The following CWF19L2 variants were observed in gnomAD, a reference collection of about 807,000 sequenced individuals.
CWF19L2 encodes the protein CWF19 like cell cycle control factor 2.
A neutral mutation model predicts 111.7 loss-of-function variants in CWF19L2; 98 were observed. That is an observed-to-expected ratio of 0.88 (90% CI 0.75 to 1.04). CWF19L2 has a LOEUF of 1.04. Ranked by LOEUF, CWF19L2 falls within the 50% of genes least tolerant of loss-of-function variation. The pLI, the probability that CWF19L2 is intolerant of heterozygous loss-of-function variation, is 0.00. For synonymous variants in CWF19L2, 351 were observed against 342.9 expected, an observed-to-expected ratio of 1.02 and a Z score of -0.26; for missense variants, 1,101 against 1,051.4, an observed-to-expected ratio of 1.05 and a Z score of -0.65.
chr11:107,375,885 A>AAG (rs1342894079), intron 12 of CWF19L2, among the ~76,000 whole-genome samples: 1 of 44,152 alleles, frequency 2.3e-5, no homozygotes, highest in Non-Finnish European at 4.3e-5. Context: ...CAAGACTAAT[A>AAG]AAGAGAGAAG....
At chr11:107,457,604 G>C in intron 1 of CWF19L2, 108 bp downstream of exon 1, 1 of 754,190 alleles carries the variant, frequency 1.3e-6, no homozygotes, top group Non-Finnish European at 2.2e-6. Flanking sequence ...CCAAATTAAG[G>C]TGAGATTCAG....
chr11:107,415,408 AT>A (rs1201285968), intron 10 of CWF19L2, among the ~76,000 whole-genome samples: 1 of 152,146 alleles, frequency 6.6e-6, no homozygotes, highest in African/African-American at 2.4e-5. Flanking sequence ...ACACTGTATT[AT>A]TTTTTAATTT....
intron 14 of CWF19L2, among the ~76,000 whole-genome samples, chr11:107,347,909 T>C (rs1289911701): frequency 6.6e-6 from 1 of 152,282 alleles, no homozygotes; most frequent in Non-Finnish European, 1.5e-5. Context: ...ATCAGTTTTA[T>C]ATGTATAAAT....
chr11:107,449,652 T>C (rs1159822455), intron 3 of CWF19L2, among the ~76,000 whole-genome samples: 1 of 151,694 alleles, frequency 6.6e-6, no homozygotes, highest in Non-Finnish European at 1.5e-5. Flanking sequence ...TATTTGAGAG[T>C]ATGGTAAGTT....
chr11:107,402,990 T>G (rs1263655483), intron 10 of CWF19L2, among the ~76,000 whole-genome samples: 1 of 150,058 alleles, frequency 6.7e-6, no homozygotes, highest in Non-Finnish European at 1.5e-5. Context: ...TTCTAAGTGA[T>G]GTAACTCAGG....
chr11:107,358,760 G>C (rs1050103542), intron 12 of CWF19L2, among the ~76,000 whole-genome samples: 3 of 152,146 alleles, frequency 2.0e-5, no homozygotes, highest in Non-Finnish European at 2.9e-5. Context: ...TTAACCATGA[G>C]AGTAACAGCT....
At chr11:107,442,754 G>A (rs1401612928) in intron 4 of CWF19L2, among the ~76,000 whole-genome samples, 185 bp downstream of exon 4, 1 of 28,678 alleles carries the variant, frequency 3.5e-5, no homozygotes, top group African/African-American at 1.9e-4. Context: ...AAGGAAGGAA[G>A]GAAGGAAGGA....
chr11:107,407,007 G>C (rs1861088164), intron 10 of CWF19L2, among the ~76,000 whole-genome samples: 1 of 151,688 alleles, frequency 6.6e-6, no homozygotes, highest in African/African-American at 2.4e-5. Flanking sequence ...AATATTATAA[G>C]ATTTTTCTAT....
At chr11:107,346,439 T>TA (rs1860081417) in intron 14 of CWF19L2, among the ~76,000 whole-genome samples, 1 of 152,124 alleles carries the variant, frequency 6.6e-6, no homozygotes, top group South Asian at 2.1e-4. Context: ...AGATCTGACT[T>TA]AAATGCTAGA....
At chr11:107,435,277 T>C (rs952923914) in intron 6 of CWF19L2, among the ~76,000 whole-genome samples, 1 of 152,212 alleles carries the variant, frequency 6.6e-6, no homozygotes, top group Admixed American at 6.5e-5. Context: ...TTGTTATTTA[T>C]ATAGTTCATG....
chr11:107,360,970 T>G (rs766369549), intron 12 of CWF19L2, among the ~76,000 whole-genome samples: 12 of 152,310 alleles, frequency 7.9e-5, no homozygotes, highest in Middle Eastern at 3.4e-3. Flanking sequence ...TAACTGTCAT[T>G]TGTCTTTGTT....
At chr11:107,410,143 C>T (rs898450173) in intron 10 of CWF19L2, among the ~76,000 whole-genome samples, 1 of 152,094 alleles carries the variant, frequency 6.6e-6, no homozygotes, top group Non-Finnish European at 1.5e-5. Flanking sequence ...AAGAATTCTT[C>T]GCTGTTCAAG....
chr11:107,372,397 T>C (rs1375184772), intron 12 of CWF19L2, among the ~76,000 whole-genome samples: 2 of 130,348 alleles, frequency 1.5e-5, no homozygotes, highest in Admixed American at 1.5e-4. Context: ...AAACAGCAAA[T>C]GCAGTCTGTG....
chr11:107,328,687 G>C (rs895773791), intron 17 of CWF19L2, among the ~76,000 whole-genome samples: 1 of 152,058 alleles, frequency 6.6e-6, no homozygotes, highest in Non-Finnish European at 1.5e-5. Flanking sequence ...TTTAAAAATG[G>C]ATATTTTACT....
At position 107,353,620 on chromosome 11, in the gene CWF19L2, A is replaced by T; in HGVS notation, c.1989T>A (p.Ala663=). The T allele has an allele frequency of 6.2e-6, 10 of 1,613,878 alleles. No homozygotes were observed. Among genetic ancestry groups the T allele is most frequent in the Non-Finnish European group, 8.5e-6 (10 of 1,179,794 alleles). ...EEENQRKKAI[A]EHRSLAAQME... is the part of the protein sequence containing the mutation. ...TTTGTGCAGCAAGACTCCGATGCTC[A>T]GCAATAGCTTTTTTCCTTTGGTTCT... Residue 663 remains alanine (A), a synonymous_variant, in exon 13 of 18, where the codon GCT becomes GCA. Transcript: ENST00000282251.
intron 12 of CWF19L2, among the ~76,000 whole-genome samples, chr11:107,389,090 G>A (rs1038283318): frequency 1.1e-4 from 17 of 152,036 alleles, no homozygotes; most frequent in African/African-American, 3.6e-4. Context: ...ACATACTTAC[G>A]TACTTATGTG....
intron 12 of CWF19L2, among the ~76,000 whole-genome samples, chr11:107,362,220 C>T (rs1440866410): frequency 2.0e-5 from 3 of 151,324 alleles, no homozygotes; most frequent in South Asian, 4.2e-4. Context: ...TGAGATCAAA[C>T]TGCAAGGCGG....
chr11:107,421,127 C>T (rs1861297471), intron 8 of CWF19L2, among the ~76,000 whole-genome samples: 1 of 151,414 alleles, frequency 6.6e-6, no homozygotes, highest in Non-Finnish European at 1.5e-5. Context: ...AATTAGAAAT[C>T]ATTAACAAAA....
rs930776225 is a variant in CWF19L2, at chr11:107,402,891, A to G, written c.1618-9996T>C. On this transcript the variant is annotated intron_variant, in intron 10 of 17. Coordinates refer to ENST00000282251, the MANE Select transcript of CWF19L2 (RefSeq NM_152434.3). Reference sequence around the variant, plus strand: ...GTGGTGTGTATATATATATATATATATATATATATATAATGGAATACTATG... The same window carrying G: ...GTGGTGTGTATATATATATATATATGTATATATATATAATGGAATACTATG... Among the ~76,000 whole-genome samples the G allele has an allele frequency of 1.5e-4, 20 of 131,790 alleles. 2 individuals are homozygous for G. Among genetic ancestry groups the G allele is most frequent in the Admixed American group, 5.5e-4 (7 of 12,698 alleles). 86.5% of individuals were successfully genotyped at this position (131,790 alleles called of 152,430 possible).
Sources: gnomAD v4.1 joint callset for allele counts (sites outside exome capture counted in the v4.1 genomes callset) on GRCh38, gnomAD v4.1.1 for gene constraint, MANE v1.5 for transcripts, NCBI Gene and HGNC (gene_info 2026-07-23, HGNC 2026-07-21) for gene names.